The following MORC2 variants were observed in gnomAD, a reference collection of about 807,000 sequenced individuals.
MORC2 encodes the protein MORC family CW-type zinc finger 2, also known as ATPase MORC2.
A neutral mutation model predicts 136.0 loss-of-function variants in MORC2; 30 were observed. The ratio of observed to expected loss-of-function variants is 0.22; its 90% CI spans 0.17 to 0.30. The LOEUF (loss-of-function observed/expected upper bound fraction) is 0.30. MORC2 is among the 10% of genes least tolerant of loss of function. The pLI is 1.00. For missense variants in MORC2, 922 were observed against 1,333.1 expected (o/e 0.69, Z 4.80); for synonymous variants, 439 against 487.0 (o/e 0.90, Z 1.30).
chr22:30,941,773 TA>T lies in MORC2; in HGVS notation c.698+117del. The T allele has an allele frequency of 8.7e-7, 1 of 1,150,978 alleles. No homozygotes were observed. The highest frequency in any genetic ancestry group is 1.3e-6 in the Non-Finnish European group (1 of 792,330). The allele number at this position is 1,150,978 out of a possible 1,614,324, so 71.3% of individuals were successfully genotyped here. A position where few individuals can be genotyped will look rare whatever the true frequency, so the allele number is the denominator to read the frequency against. Reference sequence around the variant, plus strand: ...CACAGGCAACTGAGCTGGCCCTACATACTACCCTACCACAGAACACTGGGCA... The same window carrying T: ...CACAGGCAACTGAGCTGGCCCTACATCTACCCTACCACAGAACACTGGGCA... On this transcript the variant is annotated intron_variant, in intron 8 of 25. Transcript: ENST00000397641. This position sits in a 1 kb window ranked among gnomAD's most constrained non-coding sequence, Gnocchi z 4.6.
rs2040671071 is a variant in MORC2, at chr22:30,937,485, A to G, written c.1498+98T>C. On this transcript the variant is annotated intron_variant, in intron 15 of 25. Transcript: ENST00000397641. The surrounding 1 kb of genome is among the most constrained non-coding windows in gnomAD (Gnocchi z 4.7). ...TGGATCCCTAGGGGACTGTAAGTCC[A>G]TGAATGTCAGTCAAGTTAGGAGGCT... is the stretch of plus-strand genomic sequence containing the variant. 1 of 1,529,568 alleles carries G rather than the reference A, an allele frequency of 6.5e-7. No homozygotes were observed. The highest frequency in any genetic ancestry group is 1.4e-5 in the African/African-American group (1 of 72,530). 94.7% of individuals were successfully genotyped at this position (1,529,568 alleles called of 1,614,324 possible).
In MORC2 at chr22:30,936,971, G is replaced by A. The variant is rs778121452; in HGVS notation, c.1565C>T (p.Thr522Ile). 6.2e-7 allele frequency: 1 copy of A among 1,614,118 alleles called. No individual in the cohort carries two copies. The highest frequency in any genetic ancestry group is 1.7e-5 in the Admixed American group (1 of 60,024). The change falls in exon 16 of 26, where the codon ACC (threonine) becomes ATC (isoleucine). Residue 522 changes from threonine (T) to isoleucine (I), a missense_variant. Coordinates refer to ENST00000397641, the MANE Select transcript of MORC2 (RefSeq NM_001303256.3). ...ATCAGGGTTCATGGAGCAAACCCAGGTGTCAGGGTAATCTTTTTCCACAGA... is the reference window on the plus strand; with the variant it reads ...ATCAGGGTTCATGGAGCAAACCCAGATGTCAGGGTAATCTTTTTCCACAGA... ...LSSVEKDYPD[T>I]WVCSMNPDPE...
At chr22:30,945,528 T>G (rs979311551) in intron 6 of MORC2, among the ~76,000 whole-genome samples, 3 of 152,176 alleles carry the variant, frequency 2.0e-5, no homozygotes, top group Non-Finnish European at 4.4e-5. Context: ...GGCCTCCATG[T>G]CTTACATAGG....
intron 1 of MORC2, chr22:30,967,493 C>A: frequency 9.2e-7 from 1 of 1,090,390 alleles, no homozygotes; most frequent in Non-Finnish European, 1.1e-6. Flanking sequence ...CTAAAATAGT[C>A]CAACATTTGG....
chr22:30,962,217 AAAAG>A (rs989342630), intron 1 of MORC2, among the ~76,000 whole-genome samples: 31 of 151,760 alleles, frequency 2.0e-4, no homozygotes, highest in Admixed American at 7.2e-4. Context: ...CAAAAAAAAA[AAAAG>A]AAAGAAAGAA....
rs2040482769 is a variant in MORC2, at chr22:30,926,392, A to G, written c.*411T>C. The G allele has an allele frequency of 6.5e-6, 1 of 153,390 alleles. No individual in the cohort carries two copies. The highest frequency in any genetic ancestry group is 6.6e-5 in the Admixed American group (1 of 15,244). The allele number at this position is 153,390 out of a possible 1,614,324, so 9.5% of individuals were successfully genotyped here. ...TCCCTCCCATCCCTCAGATCCCCAC[A>G]TTGTTCCTCCTGTAGGAGAAAAGTC... On this transcript the variant is annotated 3_prime_UTR_variant, in exon 26 of 26. Coordinates refer to ENST00000397641, the MANE Select transcript of MORC2 (RefSeq NM_001303256.3).
In MORC2 at chr22:30,932,570, T is replaced by A; in HGVS notation, c.2722A>T (p.Ile908Phe). 1.2e-6 allele frequency: 2 copies of A among 1,614,060 alleles called. No homozygotes were observed. The highest frequency in any genetic ancestry group is 1.7e-6 in the Non-Finnish European group (2 of 1,180,006). ...CGGAGGATCTGGACAAGCAGGTCGA[T>A]GGTCTCGTGATTGGTGCTCAGGGCA... ...TTALSTNHETIDLLVQILRNC... is the reference protein window; with the variant it reads ...TTALSTNHETFDLLVQILRNC... The change falls in exon 23 of 26, where the codon ATC (isoleucine) becomes TTC (phenylalanine). Residue 908 changes from isoleucine to phenylalanine, a missense_variant. By Grantham distance (21) the Ile-to-Phe change is conservative. Coordinates refer to ENST00000397641, the MANE Select transcript of MORC2 (RefSeq NM_001303256.3). This position sits in a 1 kb window ranked among gnomAD's most constrained non-coding sequence, Gnocchi z 4.4.
chr22:30,964,484 A>T (rs978779126), intron 1 of MORC2, among the ~76,000 whole-genome samples: 1 of 152,216 alleles, frequency 6.6e-6, no homozygotes, highest in Non-Finnish European at 1.5e-5. Flanking sequence ...CTATCAGACC[A>T]CTTAGCAGTA....
In MORC2 at chr22:30,932,742, C is replaced by T. The variant is rs2040594083; in HGVS notation, c.2550G>A (p.Arg850=). The change falls in exon 23 of 26, where the codon CGG becomes CGA. Residue 850 remains arginine, a synonymous_variant. Transcript: ENST00000397641. The surrounding 1 kb of genome is among the most constrained non-coding windows in gnomAD (Gnocchi z 4.4). The stretch of plus-strand genomic sequence containing the variant: ...GTTCCGGAGAAGGGGGTTTCATCAG[C>T]CGCACATCCTCACTGCCTTTCTCCA... ...RWVEKGSEDV[R]LMKPPSPEHQ... is the part of the protein sequence containing the mutation. 6.2e-7 allele frequency: 1 copy of T among 1,614,182 alleles called. No homozygotes were observed. The highest frequency in any genetic ancestry group is 8.5e-7 in the Non-Finnish European group (1 of 1,180,022).
At chr22:30,947,099 G>A (rs1244420842) in intron 5 of MORC2, among the ~76,000 whole-genome samples, 2 of 152,204 alleles carry the variant, frequency 1.3e-5, no homozygotes, top group African/African-American at 4.8e-5. Flanking sequence ...AGGATTCAAG[G>A]ATGCCTGTAA....
chr22:30,950,061 G>T (rs534616744), intron 4 of MORC2, among the ~76,000 whole-genome samples: 1 of 152,174 alleles, frequency 6.6e-6, no homozygotes, highest in Non-Finnish European at 1.5e-5. Context: ...CCAGAATGTG[G>T]TAAGACAGCT....
chr22:30,957,780 C>T (rs1401673482), intron 2 of MORC2, among the ~76,000 whole-genome samples: 1 of 152,170 alleles, frequency 6.6e-6, no homozygotes, highest in Non-Finnish European at 1.5e-5. Context: ...AAACAACTAG[C>T]ACACTTCCAT....
At chr22:30,959,453 C>G in intron 1 of MORC2, among the ~76,000 whole-genome samples, 1 of 152,172 alleles carries the variant, frequency 6.6e-6, no homozygotes, top group East Asian at 1.9e-4. Context: ...GATATTTTTG[C>G]TTATAAATTA....
chr22:30,949,706 T>G (rs754253603), intron 5 of MORC2, 46 bp downstream of exon 5: 1 of 1,454,472 alleles, frequency 6.9e-7, no homozygotes, highest in Non-Finnish European at 9.7e-7. Flanking sequence ...AGGACAGCAT[T>G]GCTGGATTTT....
chr22:30,942,385 G>T, intron 6 of MORC2, 114 bp from the exon 7 acceptor site: 1 of 1,208,666 alleles, frequency 8.3e-7, no homozygotes, highest in Non-Finnish European at 1.1e-6. Flanking sequence ...CTGTAGGTGA[G>T]GCCCAAGCTC....
intron 1 of MORC2, among the ~76,000 whole-genome samples, chr22:30,965,650 T>C (rs962911817): frequency 1.3e-5 from 2 of 152,212 alleles, no homozygotes; most frequent in African/African-American, 2.4e-5. Context: ...CAGTTCAACA[T>C]GGGTAAGTCA....
chr22:30,937,540 G>T lies in MORC2; in HGVS notation c.1498+43C>A, dbSNP rs376851032. Reference sequence around the variant, plus strand: ...GGAAGATAGAGAAAAGAGGCTTGTGGGCTGATGGAAATGAGTCGGGGGGGT... The same window carrying T: ...GGAAGATAGAGAAAAGAGGCTTGTGTGCTGATGGAAATGAGTCGGGGGGGT... On this transcript the variant is annotated intron_variant, in intron 15 of 25. Coordinates refer to ENST00000397641, the MANE Select transcript of MORC2 (RefSeq NM_001303256.3). This position sits in a 1 kb window ranked among gnomAD's most constrained non-coding sequence, Gnocchi z 4.7. 1.2e-6 allele frequency: 2 copies of T among 1,600,818 alleles called. No homozygotes were observed. The highest frequency in any genetic ancestry group is 2.7e-5 in the African/African-American group (2 of 74,666).
At chr22:30,929,254 G>T (rs1451308653) in intron 24 of MORC2, among the ~76,000 whole-genome samples, 1 of 152,188 alleles carries the variant, frequency 6.6e-6, no homozygotes, top group African/African-American at 2.4e-5. Context: ...GACATGGTTT[G>T]TAATAATTTT....
intron 3 of MORC2, among the ~76,000 whole-genome samples, chr22:30,953,696 G>A (rs919562873): frequency 2.6e-5 from 4 of 152,116 alleles, no homozygotes; most frequent in Non-Finnish European, 4.4e-5. Flanking sequence ...TTCCAAGGAG[G>A]TGGCACTACC....
Sources: allele counts gnomAD v4.1 joint callset (sites outside exome capture counted in the v4.1 genomes callset), GRCh38; gene constraint gnomAD v4.1.1; non-coding constraint Gnocchi (gnomAD v3.1); transcripts MANE v1.5; gene names NCBI Gene and HGNC (gene_info 2026-07-23, HGNC 2026-07-21).